The following RUNDC1 variants were observed in gnomAD, a reference collection of about 807,000 sequenced individuals.
RUNDC1 encodes the protein RUN domain containing 1, also known as RUN domain-containing protein 1.
Under a neutral mutation model 49.3 loss-of-function variants are expected in RUNDC1, and 31 were observed. The ratio of observed to expected loss-of-function variants is 0.63; its 90% confidence interval spans 0.47 to 0.85. The LOEUF is 0.85. Ranked by LOEUF, RUNDC1 falls within the 40% of genes least tolerant of loss-of-function variation. The pLI is 0.00. For missense variants in RUNDC1, 715 were observed against 806.7 expected (o/e 0.89, Z 1.38); for synonymous variants, 347 against 348.6 (o/e 1.00, Z 0.05).
rs2050181480 is a variant in RUNDC1 at position 42,987,116 on chromosome 17, T to C, written c.499-140T>C. On this transcript the variant is annotated intron_variant, in intron 1 of 4. Coordinates refer to ENST00000361677, the MANE Select transcript of RUNDC1 (RefSeq NM_173079.5). ...AAATAATTATTCTTACTTTTGAATC[T>C]ATCGTATGAATTGTGTATTTCATTT... The C allele has an allele frequency of 3.5e-6, 2 of 578,486 alleles. 1 individual carries two copies. Among genetic ancestry groups the C allele is most frequent in the South Asian group, 5.6e-5 (2 of 35,490 alleles). 35.8% of individuals were successfully genotyped at this position (578,486 alleles called of 1,614,324 possible).
Position 42,994,707 on chromosome 17 carries a change from C to T in RUNDC1, c.*2991C>T, listed in dbSNP as rs966278227. 6.6e-6 allele frequency among the ~76,000 whole-genome samples: 1 copy of T among 152,158 alleles called. No individual in the cohort carries two copies. Among genetic ancestry groups the T allele is most frequent in the African/African-American group, 2.4e-5 (1 of 41,436 alleles). Reference sequence around the variant, plus strand: ...CTTGAAACCTAAATGTGTGTATCAACTGAGACAACCCAACAATTCCATCAG... The same window carrying T: ...CTTGAAACCTAAATGTGTGTATCAATTGAGACAACCCAACAATTCCATCAG... On this transcript the variant is annotated 3_prime_UTR_variant, in exon 5 of 5. Coordinates refer to ENST00000361677, the MANE Select transcript of RUNDC1 (RefSeq NM_173079.5).
At chr17:42,988,888 G>A (rs985758543) in intron 2 of RUNDC1, among the ~76,000 whole-genome samples, 1 of 152,116 alleles carries the variant, frequency 6.6e-6, no homozygotes. Context: ...GAGGCAGAAG[G>A]ATTGCTTGAG....
rs2050227747 is a variant in RUNDC1 at position 42,990,779 on chromosome 17, C to A, written c.977-72C>A. The A allele has an allele frequency of 2.0e-6, 3 of 1,493,486 alleles. No homozygotes were observed. The African/African-American group carries it at 4.2e-5, about 21-fold the overall frequency. The allele number at this position is 1,493,486 out of a possible 1,614,324, so 92.5% of individuals were successfully genotyped here. A position where few individuals can be genotyped will look rare whatever the true frequency, so the allele number is the denominator to read the frequency against. ...AGCATGTGGCTCAGACTGATCTCAG[C>A]CTGTGATTTGTTGAGTGTAGCTCTG... On this transcript the variant is annotated intron_variant, in intron 4 of 4. Coordinates refer to ENST00000361677, the MANE Select transcript of RUNDC1 (RefSeq NM_173079.5).
In RUNDC1 at chr17:42,991,883, C is replaced by G. The variant is rs549386404; in HGVS notation, c.*167C>G. The G allele has an allele frequency of 7.1e-5, 50 of 709,096 alleles. No individual in the cohort carries two copies. In the African/African-American group the frequency reaches 7.7e-4, roughly 11 times the overall value. 43.9% of individuals were successfully genotyped at this position (709,096 alleles called of 1,614,324 possible). ...AAGTCTGTTTTCCCCACCAACTTAG[C>G]TCTCGGAAAGATGTGCTGGAGGGAC... On this transcript the variant is annotated 3_prime_UTR_variant, in exon 5 of 5. Transcript: ENST00000361677.
chr17:42,981,125 TG>T, intron 1 of RUNDC1, 51 bp downstream of exon 1: 1 of 1,510,788 alleles, frequency 6.6e-7, no homozygotes, highest in Non-Finnish European at 8.8e-7. Context: ...TGGGGTCGTG[TG>T]GGTGGCGATC....
chr17:42,987,309 A>G lies in RUNDC1; in HGVS notation c.552A>G (p.Glu184=), dbSNP rs1223935273. The change falls in exon 2 of 5, where the codon GAA becomes GAG. Residue 184 remains glutamate, a synonymous_variant. Coordinates refer to ENST00000361677, the MANE Select transcript of RUNDC1 (RefSeq NM_173079.5). ...RLETQREKQK[E]LILQLKTQLD... is the part of the protein sequence containing the mutation. ...AAACCCAAAGGGAGAAGCAGAAAGAACTGATACTGCAGCTCAAGACCCAGC... is the reference window on the plus strand; with the variant it reads ...AAACCCAAAGGGAGAAGCAGAAAGAGCTGATACTGCAGCTCAAGACCCAGC... The G allele has an allele frequency of 1.9e-6, 3 of 1,614,014 alleles. No homozygotes were observed. The highest frequency in any genetic ancestry group is 2.2e-5 in the South Asian group (2 of 91,086).
chr17:42,980,993 T>G lies in RUNDC1; in HGVS notation c.417T>G (p.Gly139=), dbSNP rs1179349957. The G allele has an allele frequency of 6.5e-7, 1 of 1,546,120 alleles. No homozygotes were observed. The highest frequency in any genetic ancestry group is 1.2e-5 in the South Asian group (1 of 84,798). ...TCCGCGGCTGCCCTCACGTCCTAGG[T>G]TACGAAGGGCCCGGCGACCCCGCCA... is the stretch of plus-strand genomic sequence containing the variant. ...FAFRGCPHVL[G]YEGPGDPASD... is the part of the protein sequence containing the mutation. The change falls in exon 1 of 5, where the codon GGT becomes GGG. Residue 139 remains glycine, a synonymous_variant. Coordinates refer to ENST00000361677, the MANE Select transcript of RUNDC1 (RefSeq NM_173079.5).
In RUNDC1 at chr17:42,993,544, G is replaced by A. The variant is rs1285066035; in HGVS notation, c.*1828G>A. ...TGAAACAAGAGAATTGTAAAATGTTGTGGAAAATGATACATATGTGGATGC... is the reference window on the plus strand; with the variant it reads ...TGAAACAAGAGAATTGTAAAATGTTATGGAAAATGATACATATGTGGATGC... On this transcript the variant is annotated 3_prime_UTR_variant, in exon 5 of 5. Coordinates refer to ENST00000361677, the MANE Select transcript of RUNDC1 (RefSeq NM_173079.5). The A allele has an allele frequency of 2.6e-5, 4 of 152,146 alleles. No homozygotes were observed. The East Asian group carries it at 7.7e-4, about 29-fold the overall frequency. The allele number at this position is 152,146 out of a possible 1,614,324, so 9.4% of individuals were successfully genotyped here. A position where few individuals can be genotyped will look rare whatever the true frequency, so the allele number is the denominator to read the frequency against.
At chr17:42,990,470 G>C (rs757993799) in intron 4 of RUNDC1, 34 bp downstream of exon 4, 12 of 1,609,364 alleles carry the variant, frequency 7.5e-6, no homozygotes, top group Non-Finnish European at 1.0e-5. Flanking sequence ...CAAATCTCTA[G>C]AGACAGAAAG....
Position 42,991,699 on chromosome 17 carries a change from A to C in RUNDC1, c.1825A>C (p.Ile609Leu). ...TCTGGCTGTGCGCCAGCTCAAAAACATCAAAGATGCCTTTTGATGAGAGTG... is the reference window on the plus strand; with the variant it reads ...TCTGGCTGTGCGCCAGCTCAAAAACCTCAAAGATGCCTTTTGATGAGAGTG... The part of the protein sequence containing the change: ...VDLAVRQLKN[I>L]KDAF Residue 609 changes from isoleucine to leucine, a missense_variant, in exon 5 of 5, where the codon ATC becomes CTC. This residue lies in a region of RUNDC1 where 425 missense variants were observed against 499.7 expected (regional missense o/e 0.85). Coordinates refer to ENST00000361677, the MANE Select transcript of RUNDC1 (RefSeq NM_173079.5). 6.2e-7 allele frequency: 1 copy of C among 1,612,542 alleles called. No homozygotes were observed. Among genetic ancestry groups the C allele is most frequent in the Admixed American group, 1.7e-5 (1 of 59,964 alleles).
In RUNDC1 at chr17:42,980,760, G is replaced by T; in HGVS notation, c.184G>T (p.Ala62Ser). The change falls in exon 1 of 5, where the codon GCC becomes TCC. Residue 62 changes from alanine (A) to serine (S), a missense_variant. By Grantham distance (99) the Ala-to-Ser change is moderately conservative. Around this residue, in one of 5 missense-constraint regions of RUNDC1, gnomAD observed 153 missense variants for 139.4 expected, o/e 1.10. Transcript: ENST00000361677. ...AACCGCGTTTTTAGAAGAGGCGACGGCCGAGGAGCCTGGCGCGGCCCCGGG... is the reference window on the plus strand; with the variant it reads ...AACCGCGTTTTTAGAAGAGGCGACGTCCGAGGAGCCTGGCGCGGCCCCGGG... ...GATAFLEEATAEEPGAAPGSP... is the reference protein window; with the variant it reads ...GATAFLEEATSEEPGAAPGSP... 6 of 1,502,184 alleles carry T rather than the reference G, an allele frequency of 4.0e-6. No homozygotes were observed. The highest frequency in any genetic ancestry group is 5.3e-6 in the Non-Finnish European group (6 of 1,131,640). 93.1% of individuals were successfully genotyped at this position (1,502,184 alleles called of 1,614,324 possible). A position where few individuals can be genotyped will look rare whatever the true frequency, so the allele number is the denominator to read the frequency against.
chr17:42,991,936 CG>C lies in RUNDC1; in HGVS notation c.*223del, dbSNP rs2050249541. On this transcript the variant is annotated 3_prime_UTR_variant, in exon 5 of 5. Transcript: ENST00000361677. ...TCTTGTTAAGAAGGTTCTGCCAGGC[CG>C]GGCGCGGTGGCTCACACCTGTAATC... 1 of 548,706 alleles carries C rather than the reference CG, an allele frequency of 1.8e-6. No homozygotes were observed. Among genetic ancestry groups the C allele is most frequent in the Non-Finnish European group, 3.2e-6 (1 of 310,806 alleles). The allele number at this position is 548,706 out of a possible 1,614,324, so 34.0% of individuals were successfully genotyped here.
chr17:42,980,711 G>T lies in RUNDC1; in HGVS notation c.135G>T (p.Ala45=), dbSNP rs764645755. Residue 45 remains alanine (A), a synonymous_variant, in exon 1 of 5, where the codon GCG becomes GCT. Transcript: ENST00000361677. Reference sequence around the variant, plus strand: ...CGGTGCGCTGGGCCCCAGTGGGGGCGGTGGCGGAGGCCCGGCCTGGGGCAA... The same window carrying T: ...CGGTGCGCTGGGCCCCAGTGGGGGCTGTGGCGGAGGCCCGGCCTGGGGCAA... ...CEAVRWAPVG[A]VAEARPGATA... is the part of the protein sequence containing the mutation. The T allele has an allele frequency of 1.3e-6, 2 of 1,553,302 alleles. No individual in the cohort carries two copies. The highest frequency in any genetic ancestry group is 2.4e-5 in the South Asian group (2 of 85,104).
In RUNDC1 at chr17:42,980,736, A is replaced by G. The variant is rs1445196200; in HGVS notation, c.160A>G (p.Thr54Ala). 2.0e-6 allele frequency: 3 copies of G among 1,529,028 alleles called. No homozygotes were observed. The highest frequency in any genetic ancestry group is 2.6e-6 in the Non-Finnish European group (3 of 1,141,816). The allele number at this position is 1,529,028 out of a possible 1,614,324, so 94.7% of individuals were successfully genotyped here. The change falls in exon 1 of 5, where the codon ACC (threonine) becomes GCC (alanine). Residue 54 changes from threonine (T) to alanine (A), a missense_variant. Transcript: ENST00000361677. Reference sequence around the variant, plus strand: ...GGTGGCGGAGGCCCGGCCTGGGGCAACCGCGTTTTTAGAAGAGGCGACGGC... The same window carrying G: ...GGTGGCGGAGGCCCGGCCTGGGGCAGCCGCGTTTTTAGAAGAGGCGACGGC... ...GAVAEARPGATAFLEEATAEE... is the reference protein window; with the variant it reads ...GAVAEARPGAAAFLEEATAEE...
At chr17:42,987,233 A>C (rs747158566) in intron 1 of RUNDC1, 23 bp from the exon 2 acceptor site, 2 of 1,611,078 alleles carry the variant, frequency 1.2e-6, no homozygotes, top group African/African-American at 1.3e-5. Flanking sequence ...TGCATAATAG[A>C]CCCAATTATT....
At chr17:42,982,941 C>A (rs1049734536) in intron 1 of RUNDC1, among the ~76,000 whole-genome samples, 1 of 150,426 alleles carries the variant, frequency 6.6e-6, no homozygotes, top group Admixed American at 6.6e-5. Context: ...GAGCCAAGAT[C>A]GTGCCATCGC....
In RUNDC1 at chr17:42,980,800, C is replaced by T; in HGVS notation, c.224C>T (p.Ser75Leu). 7.2e-7 allele frequency: 1 copy of T among 1,392,844 alleles called. No homozygotes were observed. Among genetic ancestry groups the T allele is most frequent in the Non-Finnish European group, 9.2e-7 (1 of 1,085,224 alleles). The allele number at this position is 1,392,844 out of a possible 1,614,324, so 86.3% of individuals were successfully genotyped here. A position where few individuals can be genotyped will look rare whatever the true frequency, so the allele number is the denominator to read the frequency against. ...PGAAPGSPPD[S>L]PGRTLRRLRA... ...GCGGCCCCGGGCTCCCCGCCGGATTCGCCGGGCCGGACGCTGCGGCGGCTG... is the reference window on the plus strand; with the variant it reads ...GCGGCCCCGGGCTCCCCGCCGGATTTGCCGGGCCGGACGCTGCGGCGGCTG... The change falls in exon 1 of 5, where the codon TCG becomes TTG. Residue 75 changes from serine (S) to leucine (L), a missense_variant. Around this residue, in one of 5 missense-constraint regions of RUNDC1, gnomAD observed 153 missense variants for 139.4 expected, o/e 1.10. Transcript: ENST00000361677.
At chr17:42,982,898 A>G (rs2050121083) in intron 1 of RUNDC1, among the ~76,000 whole-genome samples, 1 of 151,614 alleles carries the variant, frequency 6.6e-6, no homozygotes, top group South Asian at 2.1e-4. Context: ...GAGGCAGGAG[A>G]ATCGCTTGAA....
intron 3 of RUNDC1, 87 bp from the exon 4 acceptor site, chr17:42,990,230 T>G: frequency 1.3e-6 from 2 of 1,530,316 alleles, no homozygotes; most frequent in Non-Finnish European, 1.8e-6. Flanking sequence ...TTCTTGTTTC[T>G]AATAGGCACC....
Sources: gnomAD v4.1 joint callset for allele counts (sites outside exome capture counted in the v4.1 genomes callset) on GRCh38, gnomAD v4.1.1 for gene constraint, gnomAD v4.1.1 regional missense constraint, MANE v1.5 for transcripts, NCBI Gene and HGNC (gene_info 2026-07-23, HGNC 2026-07-21) for gene names.